The following GNB3 variants were observed in gnomAD, a reference collection of about 807,000 sequenced individuals.
GNB3 encodes the protein guanine nucleotide-binding protein G(I)/G(S)/G(T) subunit beta-3.
A neutral mutation model predicts 41.2 loss-of-function variants in GNB3; 33 were observed. The observed-to-expected ratio is 0.80, with a 90% confidence interval of 0.61 to 1.07. GNB3 has a LOEUF of 1.07. GNB3 is among the 50% of genes least tolerant of loss of function. The probability of loss-of-function intolerance (pLI) is 0.00; values close to 1 mark genes in which losing one functional copy is unlikely to be tolerated. For missense variants in GNB3, 409 were observed against 455.3 expected (o/e 0.90, Z 0.92); for synonymous variants, 172 against 173.4 (o/e 0.99, Z 0.06).
chr12:6,845,608 T>C lies in GNB3; in HGVS notation c.722T>C (p.Ile241Thr), dbSNP rs895897850. 2 of 1,612,000 alleles carry C rather than the reference T, an allele frequency of 1.2e-6. No homozygotes were observed. The highest frequency in any genetic ancestry group is 1.6e-4 in the Middle Eastern group (1 of 6,084). Residue 241 changes from isoleucine to threonine, a missense_variant, in exon 9 of 10, where the codon ATC (isoleucine) becomes ACC (threonine). Physicochemically the swap from Ile to Thr is moderately conservative, Grantham distance 89. Coordinates refer to ENST00000229264, the MANE Select transcript of GNB3 (RefSeq NM_002075.4). ...AICFFPNGEAICTGSDDASCR... is the reference protein window; with the variant it reads ...AICFFPNGEATCTGSDDASCR... ...CAGTTCTTCCCCAATGGAGAGGCCA[T>C]CTGCACGGGCTCGGATGACGCTTCC...
chr12:6,844,004 C>T, intron 8 of GNB3, 26 bp downstream of exon 8: 1 of 1,549,028 alleles, frequency 6.5e-7, no homozygotes, highest in Non-Finnish European at 8.8e-7. Flanking sequence ...ACCCCAGCTT[C>T]ACTCCAACTC....
chr12:6,842,385 T>C (rs1943591220), intron 3 of GNB3, among the ~76,000 whole-genome samples: 1 of 152,078 alleles, frequency 6.6e-6, no homozygotes, highest in African/African-American at 2.4e-5. Flanking sequence ...CTCTTCTTAA[T>C]ATAAAAAAAA....
At chr12:6,846,709 C>CACA (rs1555124802) in intron 9 of GNB3, 83 bp from the exon 10 acceptor site, 10 of 687,932 alleles carry the variant, frequency 1.5e-5, no homozygotes, top group East Asian at 5.8e-5. Context: ...ACCCACACAC[C>CACA]CACACATACA....
In GNB3 at chr12:6,841,248, T is replaced by A; in HGVS notation, c.-30-10T>A. 6.3e-7 allele frequency: 1 copy of A among 1,582,154 alleles called. No homozygotes were observed. Among genetic ancestry groups the A allele is most frequent in the Admixed American group, 1.7e-5 (1 of 58,814 alleles). ...GGGGTTCCTCAACACCGACCCCATG[T>A]TCCTGGCAGGAGCCAGAGTGACCCC... On this transcript the variant is annotated splice_polypyrimidine_tract_variant and intron_variant, in intron 1 of 9. Coordinates refer to ENST00000229264, the MANE Select transcript of GNB3 (RefSeq NM_002075.4).
At position 6,847,212 on chromosome 12, in the gene GNB3, C is replaced by A. The variant is rs951198182; in HGVS notation, c.*314C>A. The A allele has an allele frequency of 2.9e-6, 1 of 348,516 alleles. No individual in the cohort carries two copies. Among genetic ancestry groups the A allele is most frequent in the South Asian group, 5.0e-5 (1 of 20,090 alleles). 21.6% of individuals were successfully genotyped at this position (348,516 alleles called of 1,614,324 possible). On this transcript the variant is annotated 3_prime_UTR_variant, in exon 10 of 10. Coordinates refer to ENST00000229264, the MANE Select transcript of GNB3 (RefSeq NM_002075.4). ...GCAGACTTGAGTCTGAGGCCCCAGG[C>A]CCTAGGATTCCTCCCCCAGAGCCAC... is the stretch of plus-strand genomic sequence containing the variant.
At chr12:6,845,480 G>T in intron 8 of GNB3, 106 bp from the exon 9 acceptor site, 1 of 725,556 alleles carries the variant, frequency 1.4e-6, no homozygotes, top group South Asian at 1.6e-5. Context: ...CAGGGAGGCT[G>T]AGAGCAGCGG....
At chr12:6,844,095 T>TC in intron 8 of GNB3, 117 bp downstream of exon 8, 1 of 247,036 alleles carries the variant, frequency 4.0e-6, no homozygotes, top group Admixed American at 6.5e-5. Flanking sequence ...CTTACTGTAT[T>TC]TTTTTTTTTT....
intron 3 of GNB3, among the ~76,000 whole-genome samples, chr12:6,842,530 A>C (rs1555123606): frequency 6.6e-6 from 1 of 152,240 alleles, no homozygotes; most frequent in Non-Finnish European, 1.5e-5. Context: ...CAGGAGGTAC[A>C]GTTCAGGGTC....
At chr12:6,842,275 G>A (rs1042705233) in intron 3 of GNB3, among the ~76,000 whole-genome samples, 13 of 152,186 alleles carry the variant, frequency 8.5e-5, no homozygotes, top group Non-Finnish European at 1.3e-4. Flanking sequence ...CAGGCCGGGC[G>A]CAGTGGTTCA....
rs868953456 is a variant in GNB3 at position 6,841,574 on chromosome 12, C to T, written c.58-12C>T. On this transcript the variant is annotated splice_polypyrimidine_tract_variant and intron_variant, in intron 2 of 9. Transcript: ENST00000229264. ...CTCGCCCTTGCTCCCCTGATGTCTG[C>T]TTTCCCTGCAGGATGCCAGGAAAGC... 6.2e-7 allele frequency: 1 copy of T among 1,612,812 alleles called. No homozygotes were observed. Among genetic ancestry groups the T allele is most frequent in the Non-Finnish European group, 8.5e-7 (1 of 1,179,042 alleles).
chr12:6,845,427 G>T, intron 8 of GNB3, 159 bp from the exon 9 acceptor site: 1 of 620,130 alleles, frequency 1.6e-6, no homozygotes, highest in East Asian at 2.8e-5. Context: ...CGTGGTATGT[G>T]TTGGCAGGGC....
In GNB3 at chr12:6,847,297, C is replaced by T. The variant is rs1943726288; in HGVS notation, c.*399C>T. 1 of 230,828 alleles carries T rather than the reference C, an allele frequency of 4.3e-6. No individual in the cohort carries two copies. The highest frequency in any genetic ancestry group is 5.1e-5 in the Admixed American group (1 of 19,468). 14.3% of individuals were successfully genotyped at this position (230,828 alleles called of 1,614,324 possible). ...TGGCCCTGTGACTATGGCTCTGGCA[C>T]CACTAGGGTCCTGGCCCTCTTCTTA... On this transcript the variant is annotated 3_prime_UTR_variant, in exon 10 of 10. Coordinates refer to ENST00000229264, the MANE Select transcript of GNB3 (RefSeq NM_002075.4).
Position 6,841,355 on chromosome 12 carries a change from A to G in GNB3, c.57+11A>G. ...AAGAAGCAGATTGCAGTAACTCCAG[A>G]GCCCTACCCCTGGGGCCCCAGAAAA... is the stretch of plus-strand genomic sequence containing the variant. On this transcript the variant is annotated intron_variant, in intron 2 of 9. Transcript: ENST00000229264. The G allele has an allele frequency of 7.4e-6, 12 of 1,611,530 alleles. No homozygotes were observed. Among genetic ancestry groups the G allele is most frequent in the Non-Finnish European group, 1.0e-5 (12 of 1,178,530 alleles).
In GNB3 at chr12:6,843,330, G is replaced by A; in HGVS notation, c.268-33G>A. 1 of 1,613,084 alleles carries A rather than the reference G, an allele frequency of 6.2e-7. No individual in the cohort carries two copies. The stretch of plus-strand genomic sequence containing the variant: ...GTGCCCAGCTGGGAGCTTGGCTCCG[G>A]TCCCATCTCTGCTCAAACCACCCTC... On this transcript the variant is annotated intron_variant, in intron 5 of 9. Transcript: ENST00000229264. This position sits in a 1 kb window ranked among gnomAD's most constrained non-coding sequence, Gnocchi z 5.9.
rs781988924 is a variant in GNB3, at chr12:6,843,657, G to A, written c.456G>A (p.Leu152=). 5 of 1,614,186 alleles carry A rather than the reference G, an allele frequency of 3.1e-6. No homozygotes were observed. The Admixed American group carries it at 5.0e-5, about 16-fold the overall frequency. The change falls in exon 7 of 10, where the codon CTG becomes CTA. Residue 152 remains leucine (L), a synonymous_variant. Transcript: ENST00000229264. The surrounding 1 kb of genome is among the most constrained non-coding windows in gnomAD (Gnocchi z 5.9). ...HTGYLSCCRF[L]DDNNIVTSSG... ...GTTATCTCTCCTGCTGCCGCTTCCT[G>A]GATGACAACAATATTGTGACCAGCT...
chr12:6,843,113 G>C lies in GNB3; in HGVS notation c.203+37G>C, dbSNP rs782619253. The C allele has an allele frequency of 3.7e-6, 6 of 1,604,034 alleles. No homozygotes were observed. In the South Asian group the frequency reaches 5.5e-5, roughly 15 times the overall value. On this transcript the variant is annotated intron_variant, in intron 4 of 9. Coordinates refer to ENST00000229264, the MANE Select transcript of GNB3 (RefSeq NM_002075.4). The surrounding 1 kb of genome is among the most constrained non-coding windows in gnomAD (Gnocchi z 5.9). Reference sequence around the variant, plus strand: ...GGGGGAACCGAGAATGGGAGGGTGAGAGCGGGAGTGAGGAAGGCGGGAAGG... The same window carrying C: ...GGGGGAACCGAGAATGGGAGGGTGACAGCGGGAGTGAGGAAGGCGGGAAGG...
Position 6,843,970 on chromosome 12 carries a change from G to T in GNB3, c.691G>T (p.Ala231Ser). The change falls in exon 8 of 10, where the codon GCC becomes TCC. Residue 231 changes from alanine to serine, a missense_variant. Ala to Ser is a moderately conservative substitution (Grantham distance 99). Transcript: ENST00000229264. This position sits in a 1 kb window ranked among gnomAD's most constrained non-coding sequence, Gnocchi z 5.9. ...CACTGGCCACGAGTCGGACATCAAC[G>T]CCATCTGTGTGAGTGCACCCCCCAC... ...TFTGHESDIN[A>S]ICFFPNGEAI... is the part of the protein sequence containing the mutation. The T allele has an allele frequency of 6.2e-7, 1 of 1,609,086 alleles. No individual in the cohort carries two copies. The highest frequency in any genetic ancestry group is 8.5e-7 in the Non-Finnish European group (1 of 1,176,942).
intron 9 of GNB3, 95 bp downstream of exon 9, chr12:6,845,897 A>C (rs1943687683): frequency 2.5e-6 from 2 of 813,074 alleles, no homozygotes; most frequent in Non-Finnish European, 4.0e-6. Flanking sequence ...CCCATTTCGG[A>C]CTCTCTTACT....
rs781805018 is a variant in GNB3, at chr12:6,843,015, C to T, written c.142C>T (p.Arg48Trp). The T allele has an allele frequency of 2.0e-5, 32 of 1,566,620 alleles. No homozygotes were observed. The highest frequency in any genetic ancestry group is 3.6e-5 in the South Asian group (3 of 83,408). ...EVVGRVQMRT[R>W]RTLRGHLAKI... Reference sequence around the variant, plus strand: ...GGTGGGACGAGTCCAGATGCGGACGCGGCGGACGTTAAGGGGACACCTGGC... The same window carrying T: ...GGTGGGACGAGTCCAGATGCGGACGTGGCGGACGTTAAGGGGACACCTGGC... The change falls in exon 4 of 10, where the codon CGG (arginine) becomes TGG (tryptophan). Residue 48 changes from arginine (R) to tryptophan (W), a missense_variant. Arg to Trp is a moderately radical substitution (Grantham distance 101). Transcript: ENST00000229264. The surrounding 1 kb of genome is among the most constrained non-coding windows in gnomAD (Gnocchi z 5.9).
Sources: allele counts gnomAD v4.1 joint callset (sites outside exome capture counted in the v4.1 genomes callset), GRCh38; gene constraint gnomAD v4.1.1; non-coding constraint Gnocchi (gnomAD v3.1); transcripts MANE v1.5; gene names NCBI Gene and HGNC (gene_info 2026-07-23, HGNC 2026-07-21).